The following HS6ST3 variants were observed in gnomAD, a reference collection of about 807,000 sequenced individuals.
HS6ST3 encodes the protein heparan sulfate 6-O-sulfotransferase 3, also known as heparan-sulfate 6-O-sulfotransferase 3.
HS6ST3 carries 12 observed loss-of-function variants against 36.7 expected under a neutral mutation model. That is an observed-to-expected ratio of 0.33 (90% confidence interval 0.21 to 0.53). The LOEUF is 0.53. HS6ST3 is among the 20% of genes least tolerant of loss of function. The pLI, the probability that HS6ST3 is intolerant of heterozygous loss-of-function variation, is 0.95. For missense variants in HS6ST3, 584 were observed against 640.9 expected, an observed-to-expected ratio of 0.91 and a Z score of 0.96; for synonymous variants, 240 against 257.5, an observed-to-expected ratio of 0.93 and a Z score of 0.65.
intron 1 of HS6ST3, among the ~76,000 whole-genome samples, chr13:96,560,014 T>G (rs1353294408): frequency 1.3e-5 from 2 of 152,202 alleles, no homozygotes; most frequent in Non-Finnish European, 2.9e-5. Flanking sequence ...TTATGGCTCC[T>G]TTGTGCATAT....
intron 1 of HS6ST3, among the ~76,000 whole-genome samples, chr13:96,303,795 T>C (rs1295643113): frequency 1.3e-5 from 2 of 152,322 alleles, no homozygotes; most frequent in African/African-American, 2.4e-5. Context: ...TTTATAAATA[T>C]CTAATCGAAT....
intron 1 of HS6ST3, among the ~76,000 whole-genome samples, chr13:96,244,774 G>A (rs561309291): frequency 1.3e-5 from 2 of 152,118 alleles, no homozygotes; most frequent in South Asian, 2.1e-4. Context: ...GCCAGGGATC[G>A]AAATCTATGG....
intron 1 of HS6ST3, among the ~76,000 whole-genome samples, chr13:96,251,828 G>A (rs1032602646): frequency 6.6e-5 from 10 of 151,656 alleles, no homozygotes; most frequent in East Asian, 1.9e-4. Flanking sequence ...TGGTTGTTCC[G>A]GAGTGTGTTG....
intron 1 of HS6ST3, among the ~76,000 whole-genome samples, chr13:96,472,534 G>A (rs2055844602): frequency 6.6e-6 from 1 of 152,098 alleles, no homozygotes; most frequent in Admixed American, 6.6e-5. Flanking sequence ...AACACACATC[G>A]ATGCCCTCCT....
chr13:96,748,379 CA>C (rs1429466567), intron 1 of HS6ST3, among the ~76,000 whole-genome samples: 1 of 151,982 alleles, frequency 6.6e-6, no homozygotes, highest in Non-Finnish European at 1.5e-5. Context: ...GGGTAGGAAT[CA>C]GGGGGAAAAC....
intron 1 of HS6ST3, among the ~76,000 whole-genome samples, chr13:96,712,801 C>A (rs528107472): frequency 1.3e-5 from 2 of 152,262 alleles, no homozygotes; most frequent in East Asian, 3.9e-4. Context: ...ATTTAAAGGA[C>A]TCAGTAGGTG....
rs1238431802 is a variant in HS6ST3 at position 96,837,697 on chromosome 13, G to A, written c.*4499G>A. The A allele has an allele frequency of 2.0e-5, 3 of 152,044 alleles. No homozygotes were observed. The highest frequency in any genetic ancestry group is 7.2e-5 in the African/African-American group (3 of 41,390). The allele number at this position is 152,044 out of a possible 1,614,324, so 9.4% of individuals were successfully genotyped here. A position where few individuals can be genotyped will look rare whatever the true frequency, so the allele number is the denominator to read the frequency against. On this transcript the variant is annotated 3_prime_UTR_variant, in exon 2 of 2. Coordinates refer to ENST00000376705, the MANE Select transcript of HS6ST3 (RefSeq NM_153456.4). ...TCCAAGAGATGGGCGGTGCTGCAGG[G>A]GAGACCAAAACTCAGAGGAGGCATT...
At chr13:96,406,863 C>T (rs983079060) in intron 1 of HS6ST3, among the ~76,000 whole-genome samples, 5 of 151,858 alleles carry the variant, frequency 3.3e-5, no homozygotes, top group African/African-American at 9.7e-5. Flanking sequence ...TAGGAAGTCC[C>T]CTGTGTTCTC....
intron 1 of HS6ST3, among the ~76,000 whole-genome samples, chr13:96,406,945 A>G (rs1339334021): frequency 6.6e-6 from 1 of 152,210 alleles, no homozygotes; most frequent in Non-Finnish European, 1.5e-5. Flanking sequence ...ATACAACTGT[A>G]CATTTGGAAT....
chr13:96,506,468 G>T (rs1347694739), intron 1 of HS6ST3, among the ~76,000 whole-genome samples: 1 of 152,146 alleles, frequency 6.6e-6, no homozygotes, highest in Non-Finnish European at 1.5e-5. Flanking sequence ...TCCCATGAAG[G>T]CTGCCTCTGC....
chr13:96,663,245 G>A (rs1029971399), intron 1 of HS6ST3, among the ~76,000 whole-genome samples: 3 of 152,096 alleles, frequency 2.0e-5, no homozygotes, highest in African/African-American at 7.2e-5. Context: ...CCCTGTCCCG[G>A]GGATCCTGAC....
At chr13:96,190,787 T>A (rs2054285201) in intron 1 of HS6ST3, among the ~76,000 whole-genome samples, 2 of 152,088 alleles carry the variant, frequency 1.3e-5, no homozygotes, top group Admixed American at 6.6e-5. Flanking sequence ...GGCATTTCAG[T>A]ATGGACCTGA....
chr13:96,670,671 G>A (rs1190360832), intron 1 of HS6ST3, among the ~76,000 whole-genome samples: 1 of 152,070 alleles, frequency 6.6e-6, no homozygotes, highest in Non-Finnish European at 1.5e-5. Context: ...TAAGCCTAGA[G>A]ATTTAATCAA....
At chr13:96,118,690 T>G (rs4771924) in intron 1 of HS6ST3, among the ~76,000 whole-genome samples, 31 of 31,094 alleles carry the variant, frequency 1.0e-3, no homozygotes, top group South Asian at 3.5e-3. Flanking sequence ...ATATATATAT[T>G]TTTTTTTTTT....
At chr13:96,582,901 T>C (rs918995162) in intron 1 of HS6ST3, among the ~76,000 whole-genome samples, 3 of 152,182 alleles carry the variant, frequency 2.0e-5, no homozygotes, top group African/African-American at 7.2e-5. Flanking sequence ...AATAATTTTT[T>C]TGTATAAGTA....
At chr13:96,800,997 C>G (rs957772393) in intron 1 of HS6ST3, among the ~76,000 whole-genome samples, 1 of 152,122 alleles carries the variant, frequency 6.6e-6, no homozygotes, top group Non-Finnish European at 1.5e-5. Context: ...ATTCTCAACC[C>G]AATCCAATCA....
chr13:96,829,200 C>G (rs1238164398), intron 1 of HS6ST3, among the ~76,000 whole-genome samples: 2 of 152,130 alleles, frequency 1.3e-5, no homozygotes, highest in South Asian at 2.1e-4. Flanking sequence ...CAAAGCAGTT[C>G]TCTTCTGCTT....
At chr13:96,746,631 T>C (rs1876567893) in intron 1 of HS6ST3, among the ~76,000 whole-genome samples, 1 of 152,120 alleles carries the variant, frequency 6.6e-6, no homozygotes, top group African/African-American at 2.4e-5. Flanking sequence ...GAAGCATAAT[T>C]ATAAATGTTT....
At chr13:96,099,986 A>G (rs541989816) in intron 1 of HS6ST3, among the ~76,000 whole-genome samples, 316 of 152,318 alleles carry the variant, frequency 2.1e-3, no homozygotes, top group African/African-American at 7.1e-3. Flanking sequence ...GAGCCCCATA[A>G]TATAGTAAAG....
Sources: gnomAD v4.1 joint callset for allele counts (sites outside exome capture counted in the v4.1 genomes callset) on GRCh38, gnomAD v4.1.1 for gene constraint, MANE v1.5 for transcripts, NCBI Gene and HGNC (gene_info 2026-07-23, HGNC 2026-07-21) for gene names.